Variants in DERPC observed in about 807,000 individuals in gnomAD.
DERPC encodes the protein DERPC proline and glycine rich nuclear protein.
A neutral mutation model predicts 7.2 loss-of-function variants in DERPC; 1 was observed. The observed-to-expected ratio is 0.14, with a 90% CI of 0.05 to 0.66. The LOEUF is 0.66. Among genes scored for constraint, DERPC ranks in the 30% least tolerant of loss-of-function variants. The pLI, the probability that DERPC is intolerant of heterozygous loss-of-function variation, is 0.84. For synonymous variants in DERPC, 185 were observed against 117.6 expected, an observed-to-expected ratio of 1.57 and a Z score of -3.71; for missense variants, 502 against 299.4, an observed-to-expected ratio of 1.68 and a Z score of -4.99.
Position 69,120,769 on chromosome 16 carries a change from C to T in DERPC, c.-221-120G>A. 1 of 904,632 alleles carries T rather than the reference C, an allele frequency of 1.1e-6. No individual in the cohort carries two copies. The highest frequency in any genetic ancestry group is 1.7e-6 in the Non-Finnish European group (1 of 579,150). The allele number at this position is 904,632 out of a possible 1,614,324, so 56.0% of individuals were successfully genotyped here. On this transcript the variant is annotated intron_variant, in intron 2 of 2. Transcript: ENST00000519520. This position sits in a 1 kb window ranked among gnomAD's most constrained non-coding sequence, Gnocchi z 4.0. The stretch of plus-strand genomic sequence containing the variant: ...ACCTCCAATCCCTGGTCTGGCTCTG[C>T]CATTGTTGAGCAGCCACACTGGACC...
intron 1 of DERPC, among the ~76,000 whole-genome samples, chr16:69,128,002 C>A (rs1350380557): frequency 1.3e-5 from 2 of 151,776 alleles, no homozygotes; most frequent in African/African-American, 4.8e-5. Context: ...GCAACCTCCG[C>A]TGCCCAGGAT....
rs769730716 is a variant in DERPC, at chr16:69,121,427, T to C, written c.-222+9A>G. On this transcript the variant is annotated intron_variant, in intron 2 of 2. Transcript: ENST00000519520. ...CAAGCCAAATTTTAAAATCTCAAAA[T>C]GTACTTACCTGGAAATAACAATTTG... 6.9e-6 allele frequency: 11 copies of C among 1,604,780 alleles called. No homozygotes were observed. Among genetic ancestry groups the C allele is most frequent in the Non-Finnish European group, 8.5e-6 (10 of 1,177,074 alleles).
intron 1 of DERPC, among the ~76,000 whole-genome samples, chr16:69,128,762 G>A (rs1037253353): frequency 1.3e-5 from 2 of 151,936 alleles, no homozygotes; most frequent in African/African-American, 4.8e-5. Context: ...TTTGAAATTA[G>A]TAACTATTAT....
rs763057261 is a variant in DERPC, at chr16:69,118,962, G to A, written c.1467C>T (p.Phe489=). ...PRMNGPAGKS[F]VPFPRVGSLP... The stretch of plus-strand genomic sequence containing the variant: ...GGCTCCCCACTCTAGGAAATGGGAC[G>A]AAACTCTTGCCTGCAGGGCCATTCA... Residue 489 remains phenylalanine, a synonymous_variant, in exon 3 of 3, where the codon TTC becomes TTT. Transcript: ENST00000519520. The A allele has an allele frequency of 7.1e-6, 5 of 702,930 alleles. No homozygotes were observed. Among genetic ancestry groups the A allele is most frequent in the East Asian group, 5.4e-5 (2 of 37,300 alleles). 43.5% of individuals were successfully genotyped at this position (702,930 alleles called of 1,614,324 possible). A position where few individuals can be genotyped will look rare whatever the true frequency, so the allele number is the denominator to read the frequency against.
At chr16:69,130,313 GT>G (rs199974418) in intron 1 of DERPC, among the ~76,000 whole-genome samples, 6 of 119,854 alleles carry the variant, frequency 5.0e-5, no homozygotes, top group African/African-American at 1.1e-4. Flanking sequence ...TAGAAATTTT[GT>G]TTTTTTTTCA....
intron 1 of DERPC, among the ~76,000 whole-genome samples, chr16:69,128,013 CA>C (rs1962207598): frequency 6.6e-6 from 1 of 152,092 alleles, no homozygotes; most frequent in Non-Finnish European, 1.5e-5. Context: ...TGCCCAGGAT[CA>C]GGGGATTCTC....
At chr16:69,127,594 C>T (rs1335912214) in intron 1 of DERPC, among the ~76,000 whole-genome samples, 1 of 150,474 alleles carries the variant, frequency 6.6e-6, no homozygotes, top group African/African-American at 2.4e-5. Flanking sequence ...AAGAGCTCTC[C>T]CGGCAACTTT....
intron 1 of DERPC, among the ~76,000 whole-genome samples, chr16:69,121,972 G>T (rs866591407): frequency 4.6e-5 from 7 of 151,152 alleles, no homozygotes; most frequent in South Asian, 4.2e-4. Context: ...CCCGGCCCTA[G>T]AGATGGGGTT....
intron 1 of DERPC, among the ~76,000 whole-genome samples, chr16:69,124,834 T>C (rs959991648): frequency 2.0e-5 from 3 of 152,316 alleles, no homozygotes; most frequent in Admixed American, 2.0e-4. Context: ...ATCTTCCTTT[T>C]GGATCTGCAG....
intron 1 of DERPC, among the ~76,000 whole-genome samples, chr16:69,124,209 A>G (rs1961896570): frequency 6.6e-6 from 1 of 152,174 alleles, no homozygotes; most frequent in East Asian, 1.9e-4. Flanking sequence ...ATTTTTGCCT[A>G]AAGACAATTG....
chr16:69,129,668 A>G (rs1962353757), intron 1 of DERPC, among the ~76,000 whole-genome samples: 1 of 152,192 alleles, frequency 6.6e-6, no homozygotes, highest in Admixed American at 6.5e-5. Context: ...GAGAGCTGGG[A>G]TATGAACCCT....
At chr16:69,131,257 A>G (rs1030692318) in intron 1 of DERPC, 10 of 152,158 alleles carry the variant, frequency 6.6e-5, no homozygotes, top group African/African-American at 2.4e-4. Context: ...GATACTTCCC[A>G]TCACATTTTA....
chr16:69,124,922 G>A (rs1255690478), intron 1 of DERPC, among the ~76,000 whole-genome samples: 1 of 150,552 alleles, frequency 6.6e-6, no homozygotes, highest in Non-Finnish European at 1.5e-5. Context: ...GACTTTTTTT[G>A]AGACAGAGTT....
chr16:69,119,022 C>G lies in DERPC; in HGVS notation c.1407G>C (p.Gly469=), dbSNP rs537971903. Residue 469 remains glycine, a synonymous_variant, in exon 3 of 3, where the codon GGG becomes GGC. Transcript: ENST00000519520. ...AGGAAGCTGGGTTGAGACCCAGGGT[C>G]CCAGTTGGCCTTGTGAAAGGAGCTG... ...INPAPFTRPT[G]TLGLNPASFP... 1 of 703,026 alleles carries G rather than the reference C, an allele frequency of 1.4e-6. No homozygotes were observed. The highest frequency in any genetic ancestry group is 1.7e-5 in the African/African-American group (1 of 57,394). 43.5% of individuals were successfully genotyped at this position (703,026 alleles called of 1,614,324 possible). A position where few individuals can be genotyped will look rare whatever the true frequency, so the allele number is the denominator to read the frequency against.
At chr16:69,131,543 G>A (rs1349858855) in intron 1 of DERPC, 3 of 135,524 alleles carry the variant, frequency 2.2e-5, no homozygotes, top group African/African-American at 5.6e-5. Context: ...TTCTGCTAGA[G>A]CTACAAACAC....
At chr16:69,121,392 C>G (rs748245611) in intron 2 of DERPC, 44 bp downstream of exon 2, 18 of 1,554,260 alleles carry the variant, frequency 1.2e-5, no homozygotes, top group Middle Eastern at 3.4e-4. Context: ...CTCTATAGCC[C>G]TCATCATTTC....
chr16:69,119,506 C>A lies in DERPC; in HGVS notation c.923G>T (p.Arg308Ile). 1.4e-6 allele frequency: 1 copy of A among 703,020 alleles called. No individual in the cohort carries two copies. Among genetic ancestry groups the A allele is most frequent in the South Asian group, 1.5e-5 (1 of 67,588 alleles). 43.5% of individuals were successfully genotyped at this position (703,020 alleles called of 1,614,324 possible). A position where few individuals can be genotyped will look rare whatever the true frequency, so the allele number is the denominator to read the frequency against. The change falls in exon 3 of 3, where the codon AGA becomes ATA. Residue 308 changes from arginine to isoleucine, a missense_variant. Physicochemically the swap from Arg to Ile is moderately conservative, Grantham distance 97. Coordinates refer to ENST00000519520, the MANE Select transcript of DERPC (RefSeq NM_001002847.4). ...GTTTGGGCCCATGGGGCCAGGTACT[C>A]TTGCCATGGAGGATGGGCTTGTGCC... ...NMGTSPSSMA[R>I]VPGPMGPNSG... is the part of the protein sequence containing the mutation.
intron 1 of DERPC, among the ~76,000 whole-genome samples, chr16:69,127,389 C>T (rs575769688): frequency 5.9e-5 from 9 of 151,918 alleles, no homozygotes; most frequent in Non-Finnish European, 1.2e-4. Flanking sequence ...TGGAAATTAT[C>T]TGTATAAGAA....
chr16:69,124,374 T>A (rs913370606), intron 1 of DERPC, among the ~76,000 whole-genome samples: 1 of 152,160 alleles, frequency 6.6e-6, no homozygotes, highest in African/African-American at 2.4e-5. Flanking sequence ...TTAATAGGTA[T>A]TATAATTGTG....
Sources: allele counts gnomAD v4.1 joint callset (sites outside exome capture counted in the v4.1 genomes callset), GRCh38; gene constraint gnomAD v4.1.1; non-coding constraint Gnocchi (gnomAD v3.1); transcripts MANE v1.5; gene names NCBI Gene and HGNC (gene_info 2026-07-23, HGNC 2026-07-21).